Variants in KICS2 observed in about 807,000 individuals in gnomAD.
KICS2 encodes KICSTOR complex protein C12orf66.
Under a neutral mutation model 31.4 loss-of-function variants are expected in KICS2, and 13 were observed. The observed-to-expected ratio is 0.41, with a 90% CI of 0.27 to 0.66. The LOEUF is 0.66. Ranked by LOEUF, KICS2 falls within the 30% of genes least tolerant of loss-of-function variation. The probability of loss-of-function intolerance (pLI) is 0.28; values close to 1 mark genes in which losing one functional copy is unlikely to be tolerated. For synonymous variants in KICS2, 209 were observed against 214.8 expected, an observed-to-expected ratio of 0.97 and a Z score of 0.24; for missense variants, 455 against 545.4, an observed-to-expected ratio of 0.83 and a Z score of 1.65.
At chr12:64,217,107 G>A (rs2037636812) in intron 1 of KICS2, among the ~76,000 whole-genome samples, 1 of 152,052 alleles carries the variant, frequency 6.6e-6, no homozygotes, top group South Asian at 2.1e-4. Flanking sequence ...TCATTGCTCG[G>A]TTTATGTTTC....
At chr12:64,205,676 A>G (rs1444428886) in intron 2 of KICS2, among the ~76,000 whole-genome samples, 12 of 134,674 alleles carry the variant, frequency 8.9e-5, no homozygotes, top group South Asian at 5.6e-4. Flanking sequence ...GGAAAAGGGA[A>G]GGAAGGAAGG....
At chr12:64,221,553 A>G in intron 1 of KICS2, 1 of 170,868 alleles carries the variant, frequency 5.9e-6, no homozygotes, top group Admixed American at 5.7e-5. Context: ...TTGGGGGACT[A>G]TGAAGACGGG....
intron 2 of KICS2, among the ~76,000 whole-genome samples, chr12:64,195,769 C>G (rs531842218): frequency 1.3e-5 from 2 of 152,254 alleles, no homozygotes; most frequent in Non-Finnish European, 2.9e-5. Context: ...CGAAGCAGGG[C>G]GAGGCATTGC....
chr12:64,214,763 C>T (rs2037613229), intron 2 of KICS2, among the ~76,000 whole-genome samples: 1 of 152,116 alleles, frequency 6.6e-6, no homozygotes, highest in East Asian at 1.9e-4. Flanking sequence ...TGCCTGTAAT[C>T]TCAGCTACGC....
At position 64,222,250 on chromosome 12, in the gene KICS2, C is replaced by A. The variant is rs569357690; in HGVS notation, c.-13G>T. ...TAGACTCCCCCATGCGAGCTGCGCC[C>A]CAGCTCGACCCACGTGGCTCTCCTC... On this transcript the variant is annotated 5_prime_UTR_variant, in exon 1 of 3. Coordinates refer to ENST00000398055, the MANE Select transcript of KICS2 (RefSeq NM_152440.5). 2 of 1,612,286 alleles carry A rather than the reference C, an allele frequency of 1.2e-6. No individual in the cohort carries two copies. The highest frequency in any genetic ancestry group is 2.2e-5 in the South Asian group (2 of 90,774).
intron 2 of KICS2, among the ~76,000 whole-genome samples, chr12:64,198,830 G>A (rs1009186313): frequency 8.0e-5 from 12 of 149,452 alleles, no homozygotes; most frequent in Non-Finnish European, 1.3e-4. Context: ...ACACCTCTAC[G>A]CAAATAAACT....
chr12:64,189,982 A>C (rs1029950838), downstream of KICS2, among the ~76,000 whole-genome samples: 1 of 152,166 alleles, frequency 6.6e-6, no homozygotes, highest in Non-Finnish European at 1.5e-5. Flanking sequence ...AAAAAAAGAA[A>C]TCATAATATA....
intron 2 of KICS2, 119 bp from the exon 3 acceptor site, chr12:64,194,777 A>T: frequency 2.3e-6 from 3 of 1,315,760 alleles, no homozygotes; most frequent in Non-Finnish European, 3.0e-6. Flanking sequence ...AGGACAGGGG[A>T]AGAAAAGATG....
At chr12:64,210,766 G>T (rs1032785078) in intron 2 of KICS2, among the ~76,000 whole-genome samples, 1 of 152,086 alleles carries the variant, frequency 6.6e-6, no homozygotes, top group African/African-American at 2.4e-5. Flanking sequence ...GACAGAACAA[G>T]ACCTCATCTC....
intron 2 of KICS2, among the ~76,000 whole-genome samples, chr12:64,202,418 G>T (rs546888619): frequency 4.2e-4 from 64 of 151,872 alleles, no homozygotes; most frequent in Non-Finnish European, 7.1e-4. Flanking sequence ...AAAAGTTTTT[G>T]ACTATGATCT....
chr12:64,213,441 G>A lies in KICS2; in HGVS notation c.521+2237C>T, dbSNP rs189459276. ...TCCACTTCTCTGGGACTCTATAAAA[G>A]GTGCACTATTTATACCTGTACTTCA... On this transcript the variant is annotated intron_variant, in intron 2 of 2. Transcript: ENST00000398055. Among the ~76,000 whole-genome samples, 459 of 152,184 alleles carry A rather than the reference G, an allele frequency of 3.0e-3. 2 individuals carry two copies. Among genetic ancestry groups the A allele is most frequent in the Non-Finnish European group, 4.6e-3 (316 of 68,014 alleles).
chr12:64,190,563 G>A (rs1308219733), downstream of KICS2, among the ~76,000 whole-genome samples: 4 of 152,026 alleles, frequency 2.6e-5, no homozygotes, highest in Non-Finnish European at 5.9e-5. Flanking sequence ...CCAGGATTTC[G>A]AGACCAGCCT....
chr12:64,202,228 A>G (rs1053957705), intron 2 of KICS2, among the ~76,000 whole-genome samples: 5 of 152,060 alleles, frequency 3.3e-5, no homozygotes, highest in Non-Finnish European at 4.4e-5. Flanking sequence ...CAACATGGAA[A>G]AACTCCATCT....
downstream of KICS2, among the ~76,000 whole-genome samples, chr12:64,190,700 G>A (rs778731163): frequency 4.0e-5 from 6 of 151,538 alleles, no homozygotes; most frequent in Non-Finnish European, 8.8e-5. Context: ...AGAGAGCTAT[G>A]ATCATGCCAC....
chr12:64,194,951 T>A (rs2136688240), intron 2 of KICS2, among the ~76,000 whole-genome samples: 1 of 125,778 alleles, frequency 8.0e-6, no homozygotes, highest in South Asian at 2.6e-4. Flanking sequence ...TTTTTTTTTA[T>A]TTATTTATTT....
At chr12:64,189,456 A>G (rs1217341846), downstream of KICS2, among the ~76,000 whole-genome samples, 1 of 152,192 alleles carries the variant, frequency 6.6e-6, no homozygotes, top group East Asian at 1.9e-4. Context: ...CTTCCAATAT[A>G]AAGGGGGAAA....
chr12:64,196,434 C>T (rs2136690214), intron 2 of KICS2, among the ~76,000 whole-genome samples: 1 of 150,012 alleles, frequency 6.7e-6, no homozygotes, highest in South Asian at 2.1e-4. Context: ...GACATCCACA[C>T]CGAAAACCCA....
downstream of KICS2, chr12:64,187,327 C>A (rs996746748): frequency 2.5e-6 from 1 of 392,206 alleles, no homozygotes; most frequent in Non-Finnish European, 4.5e-6. Context: ...TCACTTAGAA[C>A]CCTAACCCCA....
chr12:64,216,563 C>G (rs945378278), intron 1 of KICS2, among the ~76,000 whole-genome samples: 13 of 151,986 alleles, frequency 8.6e-5, no homozygotes, highest in African/African-American at 3.1e-4. Context: ...TACTGGGATC[C>G]CAGGAGAATA....
Sources: gnomAD v4.1 joint callset for allele counts (sites outside exome capture counted in the v4.1 genomes callset) on GRCh38, gnomAD v4.1.1 for gene constraint, MANE v1.5 for transcripts, NCBI Gene and HGNC (gene_info 2026-07-23, HGNC 2026-07-21) for gene names.